The following COL5A1 variants were observed in gnomAD, a reference collection of about 807,000 sequenced individuals.
COL5A1 encodes the protein collagen type V alpha 1 chain, also known as collagen alpha-1(V) chain.
A neutral mutation model predicts 263.7 loss-of-function variants in COL5A1; 16 were observed. That is an observed-to-expected ratio of 0.06 (90% CI 0.04 to 0.09). COL5A1 has a LOEUF of 0.09. COL5A1 is among the 10% of genes least tolerant of loss of function. The probability of loss-of-function intolerance (pLI) is 1.00; values close to 1 mark genes in which losing one functional copy is unlikely to be tolerated. For synonymous variants in COL5A1, 1,012 were observed against 1,004.5 expected (o/e 1.01, Z -0.14); for missense variants, 2,036 against 2,540.5 (o/e 0.80, Z 4.27).
chr9:134,706,834 G>A (rs1833851449), intron 4 of COL5A1, among the ~76,000 whole-genome samples: 1 of 152,236 alleles, frequency 6.6e-6, no homozygotes, highest in African/African-American at 2.4e-5. Context: ...AACCTTCCAG[G>A]AAGAGCCAGC....
At chr9:134,709,252 A>T in intron 4 of COL5A1, 6 of 282,342 alleles carry the variant, frequency 2.1e-5, no homozygotes, top group Non-Finnish European at 3.4e-5. Context: ...GGGCATGCAT[A>T]TTTGGGGCCT....
rs561079953 is a variant in COL5A1, at chr9:134,841,752, G to C, written c.5371-405G>C. Among the ~76,000 whole-genome samples the C allele has an allele frequency of 3.0e-4, 46 of 152,230 alleles. No homozygotes were observed. The highest frequency in any genetic ancestry group is 6.5e-4 in the Admixed American group (10 of 15,290). On this transcript the variant is annotated intron_variant, in intron 65 of 65. Transcript: ENST00000371817. The surrounding 1 kb of genome is among the most constrained non-coding windows in gnomAD (Gnocchi z 4.8). Reference sequence around the variant, plus strand: ...CCCGTTTGATTTTCCAGTGTGCCCTGCTTGTTCTGTAGCTGGCCCTGGGTC... The same window carrying C: ...CCCGTTTGATTTTCCAGTGTGCCCTCCTTGTTCTGTAGCTGGCCCTGGGTC...
rs1016561671 is a variant in COL5A1, at chr9:134,818,305, G to C, written c.4231-351G>C. On this transcript the variant is annotated intron_variant, in intron 54 of 65. Coordinates refer to ENST00000371817, the MANE Select transcript of COL5A1 (RefSeq NM_000093.5). The surrounding 1 kb of genome is among the most constrained non-coding windows in gnomAD (Gnocchi z 6.0). ...CGGGAGGCTATTCTGTCAGTGAGGT[G>C]ATGGCGGCCCGGCCTGGCACTGTCT... 1.3e-5 allele frequency among the ~76,000 whole-genome samples: 2 copies of C among 152,220 alleles called. No individual in the cohort carries two copies. Among genetic ancestry groups the C allele is most frequent in the African/African-American group, 4.8e-5 (2 of 41,464 alleles).
Position 134,700,793 on chromosome 9 carries a change from C to T in COL5A1, c.492-378C>T, listed in dbSNP as rs1043569156. On this transcript the variant is annotated intron_variant, in intron 3 of 65. Transcript: ENST00000371817. The surrounding 1 kb of genome is among the most constrained non-coding windows in gnomAD (Gnocchi z 4.0). ...TGCACACAGCAAAATACAACGGCCGCCGCCCTGCCATTCTCCCGATGGCTG... is the reference window on the plus strand; with the variant it reads ...TGCACACAGCAAAATACAACGGCCGTCGCCCTGCCATTCTCCCGATGGCTG... Among the ~76,000 whole-genome samples, 6 of 152,202 alleles carry T rather than the reference C, an allele frequency of 3.9e-5. No individual in the cohort carries two copies. The highest frequency in any genetic ancestry group is 5.9e-5 in the Non-Finnish European group (4 of 68,042).
intron 36 of COL5A1, 31 bp from the exon 37 acceptor site, chr9:134,798,373 CGAAT>C: frequency 6.2e-7 from 1 of 1,606,066 alleles, no homozygotes; most frequent in Non-Finnish European, 8.5e-7. Context: ...TTCTCAGACA[CGAAT>C]GAACCTCCTT....
At chr9:134,711,149 C>G (rs531458683) in intron 4 of COL5A1, among the ~76,000 whole-genome samples, 2 of 152,206 alleles carry the variant, frequency 1.3e-5, no homozygotes, top group East Asian at 3.9e-4. Context: ...ATTGTTCGGT[C>G]GGTGGTTTGG....
intron 1 of COL5A1, among the ~76,000 whole-genome samples, chr9:134,657,605 G>A (rs1295135618): frequency 8.4e-6 from 1 of 118,916 alleles, no homozygotes; most frequent in Non-Finnish European, 1.7e-5. Flanking sequence ...GGGTGGGTTG[G>A]GGGTGTAGTT....
intron 1 of COL5A1, among the ~76,000 whole-genome samples, chr9:134,685,055 ACCAT>A (rs1554779095): frequency 0.021 from 618 of 29,826 alleles, 3 homozygotes; most frequent in African/African-American, 0.066. Flanking sequence ...CCATCCATCC[ACCAT>A]CCATCCATCC....
chr9:134,795,228 T>C (rs1209123720), intron 33 of COL5A1, 34 bp from the exon 34 acceptor site: 1 of 1,613,768 alleles, frequency 6.2e-7, no homozygotes, highest in South Asian at 1.1e-5. Flanking sequence ...GTGTCGGGAC[T>C]TGAGCTGACC....
intron 11 of COL5A1, among the ~76,000 whole-genome samples, chr9:134,740,776 A>G (rs1388709512): frequency 6.6e-6 from 1 of 152,108 alleles, no homozygotes; most frequent in Non-Finnish European, 1.5e-5. Context: ...GCCTTGTGAC[A>G]CCGTGACCTA....
intron 65 of COL5A1, among the ~76,000 whole-genome samples, chr9:134,840,183 G>T (rs1839978577): frequency 6.6e-6 from 1 of 152,212 alleles, no homozygotes; most frequent in African/African-American, 2.4e-5. Flanking sequence ...GAGCTGTAGG[G>T]GGTTAACAAG....
chr9:134,730,903 G>T (rs376850026), intron 7 of COL5A1, among the ~76,000 whole-genome samples: 4 of 152,218 alleles, frequency 2.6e-5, no homozygotes, highest in Admixed American at 2.0e-4. Flanking sequence ...AGCTGGGGCC[G>T]CCCTGGCTGG....
intron 4 of COL5A1, among the ~76,000 whole-genome samples, chr9:134,724,228 C>G (rs9409917): frequency 0.81 from 123,495 of 152,248 alleles, 50,430 homozygotes; most frequent in East Asian, 0.91. Flanking sequence ...ACCTCAAAAT[C>G]TTTTGCATTA....
At chr9:134,694,008 G>A (rs1267199591) in intron 2 of COL5A1, among the ~76,000 whole-genome samples, 1 of 152,256 alleles carries the variant, frequency 6.6e-6, no homozygotes, top group Non-Finnish European at 1.5e-5. Flanking sequence ...AGAGGTAGAA[G>A]AGAGGGTGCA....
In COL5A1 at chr9:134,809,270, C is replaced by G. The variant is rs1424921275; in HGVS notation, c.3454C>G (p.Pro1152Ala). Reference sequence around the variant, plus strand: ...GGGTCCAGCTGGCCCTGTGGGTCCCCCTGGAGAAGACGGAGATAAGGTAAG... The same window carrying G: ...GGGTCCAGCTGGCCCTGTGGGTCCCGCTGGAGAAGACGGAGATAAGGTAAG... ...LPGPAGPVGP[P>A]GEDGDKGEIG... Residue 1152 changes from proline to alanine, a missense_variant, in exon 43 of 66, where the codon CCT (proline) becomes GCT (alanine). Physicochemically the swap from Pro to Ala is conservative, Grantham distance 27 (BLOSUM62 -1). Transcript: ENST00000371817. 3 of 1,608,900 alleles carry G rather than the reference C, an allele frequency of 1.9e-6. No individual in the cohort carries two copies. In the African/African-American group the frequency reaches 4.0e-5, roughly 21 times the overall value.
chr9:134,718,057 C>T (rs1014962679), intron 4 of COL5A1, among the ~76,000 whole-genome samples: 5 of 152,208 alleles, frequency 3.3e-5, no homozygotes, highest in South Asian at 4.1e-4. Flanking sequence ...CCATGTTTCC[C>T]GTCTCCATGG....
At position 134,842,569 on chromosome 9, in the gene COL5A1, A is replaced by C; in HGVS notation, c.*266A>C. On this transcript the variant is annotated 3_prime_UTR_variant, in exon 66 of 66. Transcript: ENST00000371817. The surrounding 1 kb of genome is among the most constrained non-coding windows in gnomAD (Gnocchi z 5.8). ...CCCGCCCCACGCTCTGTCCACACCCACGCGCCCCGGGAGCGGGGCCATGCC... is the reference window on the plus strand; with the variant it reads ...CCCGCCCCACGCTCTGTCCACACCCCCGCGCCCCGGGAGCGGGGCCATGCC... 1.8e-6 allele frequency: 1 copy of C among 565,338 alleles called. No individual in the cohort carries two copies. The highest frequency in any genetic ancestry group is 3.2e-6 in the Non-Finnish European group (1 of 316,152). 35.0% of individuals were successfully genotyped at this position (565,338 alleles called of 1,614,324 possible).
chr9:134,760,185 AC>A (rs566295812), intron 18 of COL5A1, among the ~76,000 whole-genome samples: 3 of 78,708 alleles, frequency 3.8e-5, no homozygotes, highest in Admixed American at 1.7e-4. Context: ...ACACACATAC[AC>A]CCCCACACCC....
chr9:134,727,468 T>G (rs1834704795), intron 5 of COL5A1, 71 bp downstream of exon 5: 2 of 1,546,722 alleles, frequency 1.3e-6, no homozygotes, highest in African/African-American at 2.7e-5. Flanking sequence ...AAGAGACACA[T>G]AAGCCATGGG....
Sources: allele counts gnomAD v4.1 joint callset (sites outside exome capture counted in the v4.1 genomes callset), GRCh38; gene constraint gnomAD v4.1.1; non-coding constraint Gnocchi (gnomAD v3.1); transcripts MANE v1.5; gene names NCBI Gene and HGNC (gene_info 2026-07-23, HGNC 2026-07-21).